The following TFF2 variants were observed in gnomAD, a reference collection of about 807,000 sequenced individuals.
TFF2 encodes trefoil factor 2.
In TFF2, 19 loss-of-function variants were observed where a neutral mutation model predicts 16.0. The observed-to-expected ratio is 1.19, with a 90% CI of 0.83 to 1.74. The LOEUF (loss-of-function observed/expected upper bound fraction) is 1.74, where lower values mean the gene tolerates loss of function less well. Among genes scored for constraint, TFF2 ranks in the 40% most tolerant of loss-of-function variants. The pLI, the probability that TFF2 is intolerant of heterozygous loss-of-function variation, is 0.00. For synonymous variants in TFF2, 61 were observed against 65.4 expected, an observed-to-expected ratio of 0.93 and a Z score of 0.32; for missense variants, 168 against 166.8, an observed-to-expected ratio of 1.01 and a Z score of -0.04.
rs1283808050 is a variant in TFF2, at chr21:42,349,985, C to T, written c.125G>A (p.Cys42Tyr). ...GTCACTGGTGATTCCAGGGAAGCCG[C>T]AGTTCGTCCTGTTATGGGGGCTCAG... ...SRLSPHNRTN[C>Y]GFPGITSDQC... The change falls in exon 2 of 4, where the codon TGC becomes TAC. Residue 42 changes from cysteine to tyrosine, a missense_variant. By Grantham distance (194) the Cys-to-Tyr change is radical. Transcript: ENST00000291526. 1 of 1,600,368 alleles carries T rather than the reference C, an allele frequency of 6.2e-7. No homozygotes were observed. The highest frequency in any genetic ancestry group is 1.1e-5 in the South Asian group (1 of 88,372).
intron 2 of TFF2, among the ~76,000 whole-genome samples, chr21:42,348,443 A>AT (rs1191261467): frequency 6.6e-5 from 10 of 152,150 alleles, no homozygotes; most frequent in African/African-American, 2.2e-4. Context: ...CTATATATAT[A>AT]TATATTTTTT....
chr21:42,347,041 T>C (rs1264096567), intron 3 of TFF2, among the ~76,000 whole-genome samples: 1 of 152,174 alleles, frequency 6.6e-6, no homozygotes, highest in East Asian at 1.9e-4. Context: ...CAGGACGTTG[T>C]GGATGAGGTT....
At chr21:42,349,074 C>A (rs953740328) in intron 2 of TFF2, among the ~76,000 whole-genome samples, 1 of 151,862 alleles carries the variant, frequency 6.6e-6, no homozygotes, top group African/African-American at 2.4e-5. Flanking sequence ...TCAGACTAAC[C>A]AACCTGGGCT....
intron 2 of TFF2, among the ~76,000 whole-genome samples, chr21:42,349,171 A>G (rs932185477): frequency 4.6e-5 from 7 of 151,860 alleles, no homozygotes; most frequent in Non-Finnish European, 8.8e-5. Flanking sequence ...CCCTAGACTA[A>G]CCAACCTGGG....
chr21:42,347,770 C>T (rs2052081175), intron 2 of TFF2, 138 bp from the exon 3 acceptor site: 3 of 1,154,438 alleles, frequency 2.6e-6, no homozygotes, highest in Admixed American at 2.8e-5. Context: ...CAGCATCCCC[C>T]GGGACGGCCT....
In TFF2 at chr21:42,350,049, T is replaced by C; in HGVS notation, c.80-19A>G. 3 of 1,588,014 alleles carry C rather than the reference T, an allele frequency of 1.9e-6. No individual in the cohort carries two copies. The South Asian group carries it at 3.4e-5, about 18-fold the overall frequency. Reference sequence around the variant, plus strand: ...CAGGGGGCTGTGGAAAGACCCTCAGTCGGCCCCACCCTGGTACCCCAGACC... The same window carrying C: ...CAGGGGGCTGTGGAAAGACCCTCAGCCGGCCCCACCCTGGTACCCCAGACC... On this transcript the variant is annotated intron_variant, in intron 1 of 3. Coordinates refer to ENST00000291526, the MANE Select transcript of TFF2 (RefSeq NM_005423.5).
At chr21:42,349,832 G>A (rs1295462529) in intron 2 of TFF2, 49 bp downstream of exon 2, 2 of 1,526,790 alleles carry the variant, frequency 1.3e-6, no homozygotes, top group East Asian at 4.8e-5. Flanking sequence ...TGTGAAGCTG[G>A]GTCCTGGGTT....
At position 42,350,895 on chromosome 21, in the gene TFF2, C is replaced by T. The variant is rs770228285; in HGVS notation, c.63G>A (p.Ala21=). 22 of 1,613,500 alleles carry T rather than the reference C, an allele frequency of 1.4e-5. No homozygotes were observed. The highest frequency in any genetic ancestry group is 1.7e-5 in the Admixed American group (1 of 59,954). The change falls in exon 1 of 4, where the codon GCG becomes GCA. Residue 21 remains alanine (A), a synonymous_variant. Coordinates refer to ENST00000291526, the MANE Select transcript of TFF2 (RefSeq NM_005423.5). ...ALLVLGLCAL[A]GSEKPSPCQC... ...TTCACTTACAGGGTTTCTCACTCCC[C>T]GCCAGGGCACATAGCCCCAGGACGA...
intron 2 of TFF2, among the ~76,000 whole-genome samples, chr21:42,348,447 A>AT (rs531617472): frequency 1.6e-3 from 248 of 152,084 alleles, no homozygotes; most frequent in African/African-American, 5.9e-3. Context: ...ATATATATAT[A>AT]TTTTTTTCTC....
At chr21:42,346,645 CT>C in intron 3 of TFF2, 99 bp from the exon 4 acceptor site, 1 of 1,334,544 alleles carries the variant, frequency 7.5e-7, no homozygotes, top group Non-Finnish European at 1.0e-6. Flanking sequence ...TGCCCAGGAG[CT>C]TCCTACTGAA....
chr21:42,349,233 T>C (rs77505241), intron 2 of TFF2, among the ~76,000 whole-genome samples: 39,821 of 148,356 alleles, frequency 0.27, 6,013 homozygotes, highest in African/African-American at 0.43. Flanking sequence ...AACCAGCCTA[T>C]GCTAGCCCTA....
chr21:42,348,764 C>A (rs750612652), intron 2 of TFF2, among the ~76,000 whole-genome samples: 2 of 151,434 alleles, frequency 1.3e-5, no homozygotes, highest in African/African-American at 2.4e-5. Flanking sequence ...ACCTAACCAA[C>A]CTGGGCTACC....
Position 42,350,906 on chromosome 21 carries a change from A to G in TFF2, c.52T>C (p.Cys18Arg), listed in dbSNP as rs764571893. ...GGTTTCTCACTCCCCGCCAGGGCAC[A>G]TAGCCCCAGGACGAGGAGCGCTGCC... is the stretch of plus-strand genomic sequence containing the variant. ...LLAALLVLGL[C>R]ALAGSEKPSP... The change falls in exon 1 of 4, where the codon TGT becomes CGT. Residue 18 changes from cysteine (C) to arginine (R), a missense_variant. Cys to Arg is a radical substitution (Grantham distance 180). Transcript: ENST00000291526. 6.2e-7 allele frequency: 1 copy of G among 1,613,770 alleles called. No homozygotes were observed. Among genetic ancestry groups the G allele is most frequent in the Admixed American group, 1.7e-5 (1 of 59,984 alleles).
chr21:42,346,488 C>T lies in TFF2; in HGVS notation c.*45G>A, dbSNP rs368052283. On this transcript the variant is annotated 3_prime_UTR_variant, in exon 4 of 4. Coordinates refer to ENST00000291526, the MANE Select transcript of TFF2 (RefSeq NM_005423.5). ...TAAGGCGAAGTTTCTTCTTTGGTTT[C>T]GGAACACCCGGTGAGCCAGATGCAT... 90 of 1,612,446 alleles carry T rather than the reference C, an allele frequency of 5.6e-5. No homozygotes were observed. Among genetic ancestry groups the T allele is most frequent in the South Asian group, 4.4e-5 (4 of 90,776 alleles).
intron 1 of TFF2, among the ~76,000 whole-genome samples, chr21:42,350,512 G>A (rs564455633): frequency 3.9e-5 from 6 of 152,278 alleles, no homozygotes; most frequent in African/African-American, 7.2e-5. Context: ...CTGCCTGGGC[G>A]GCAAAGCCAG....
chr21:42,349,225 C>A (rs887772659), intron 2 of TFF2, among the ~76,000 whole-genome samples: 1 of 150,640 alleles, frequency 6.6e-6, no homozygotes, highest in Non-Finnish European at 1.5e-5. Context: ...CCCAGACTAA[C>A]CAGCCTATGC....
Position 42,347,565 on chromosome 21 carries a change from C to T in TFF2, c.297G>A (p.Glu99=). The change falls in exon 3 of 4, where the codon GAG becomes GAA. Residue 99 remains glutamate, a synonymous_variant. Coordinates refer to ENST00000291526, the MANE Select transcript of TFF2 (RefSeq NM_005423.5). ...AGCAGCACTTCCGAGAGGCGCATTC[C>T]TCGGGGCTGATGCCCGGGTAGCCAC... ...RNCGYPGISP[E]ECASRKCCFS... is the part of the protein sequence containing the mutation. 1 of 1,614,236 alleles carries T rather than the reference C, an allele frequency of 6.2e-7. No homozygotes were observed. Among genetic ancestry groups the T allele is most frequent in the Non-Finnish European group, 8.5e-7 (1 of 1,180,032 alleles).
At position 42,347,649 on chromosome 21, in the gene TFF2, A is replaced by G. The variant is rs1234361932; in HGVS notation, c.230-17T>C. On this transcript the variant is annotated splice_polypyrimidine_tract_variant and intron_variant, in intron 2 of 3. Transcript: ENST00000291526. Reference sequence around the variant, plus strand: ...GATCCGACTCTGCCATGGGACAGGCACAGCACCGAGACCCAGTCAGGCCTG... The same window carrying G: ...GATCCGACTCTGCCATGGGACAGGCGCAGCACCGAGACCCAGTCAGGCCTG... 6 of 1,612,578 alleles carry G rather than the reference A, an allele frequency of 3.7e-6. No homozygotes were observed. Among genetic ancestry groups the G allele is most frequent in the Middle Eastern group, 1.7e-4 (1 of 6,056 alleles).
At chr21:42,347,891 A>C (rs2052081971) in intron 2 of TFF2, among the ~76,000 whole-genome samples, 1 of 152,132 alleles carries the variant, frequency 6.6e-6, no homozygotes, top group South Asian at 2.1e-4. Flanking sequence ...GGTGGGGCCC[A>C]TGTGGGGTGG....
Sources: gnomAD v4.1 joint callset for allele counts (sites outside exome capture counted in the v4.1 genomes callset) on GRCh38, gnomAD v4.1.1 for gene constraint, MANE v1.5 for transcripts, NCBI Gene and HGNC (gene_info 2026-07-23, HGNC 2026-07-21) for gene names.